The following SUGCT variants were observed in gnomAD, a reference collection of about 807,000 sequenced individuals.
The protein encoded by SUGCT is succinyl-CoA:glutarate-CoA transferase.
Under a neutral mutation model 55.0 loss-of-function variants are expected in SUGCT, and 41 were observed. The observed-to-expected ratio is 0.74, with a 90% CI of 0.58 to 0.97. The LOEUF (loss-of-function observed/expected upper bound fraction) is 0.97. Among genes scored for constraint, SUGCT ranks in the 50% least tolerant of loss-of-function variants. The pLI is 0.00. For missense variants in SUGCT, 568 were observed against 547.8 expected, an observed-to-expected ratio of 1.04 and a Z score of -0.37; for synonymous variants, 187 against 200.4, an observed-to-expected ratio of 0.93 and a Z score of 0.56.
intron 13 of SUGCT, among the ~76,000 whole-genome samples, chr7:40,824,247 A>C (rs2128769918): frequency 6.6e-6 from 1 of 152,282 alleles, no homozygotes; most frequent in African/African-American, 2.4e-5. Flanking sequence ...TAAGGAAAGA[A>C]ATTTGTCTAT....
chr7:40,483,439 A>C (rs993147021), intron 11 of SUGCT, among the ~76,000 whole-genome samples: 4 of 152,222 alleles, frequency 2.6e-5, no homozygotes, highest in African/African-American at 9.6e-5. Flanking sequence ...TGTTCTGAAT[A>C]CTTTCAAAGT....
intron 12 of SUGCT, among the ~76,000 whole-genome samples, chr7:40,615,188 A>G (rs919945221): frequency 5.3e-5 from 8 of 152,210 alleles, no homozygotes; most frequent in African/African-American, 1.7e-4. Flanking sequence ...TACAGATTCC[A>G]TCTATAGTCA....
At chr7:40,953,885 G>A in the SUGCT span, among the ~76,000 whole-genome samples, 3 of 152,234 alleles carry the variant, frequency 2.0e-5, no homozygotes, top group Non-Finnish European at 4.4e-5. Context: ...TCCCAGTTAG[G>A]CTACTCGGGG....
the SUGCT span, among the ~76,000 whole-genome samples, chr7:40,946,816 A>G: frequency 2.6e-5 from 4 of 152,146 alleles, no homozygotes; most frequent in Non-Finnish European, 4.4e-5. Context: ...TCAGCAATTA[A>G]TACTATTGAT....
At chr7:40,948,257 T>G in the SUGCT span, among the ~76,000 whole-genome samples, 1 of 152,200 alleles carries the variant, frequency 6.6e-6, no homozygotes, top group Non-Finnish European at 1.5e-5. Flanking sequence ...CATGGCTATT[T>G]GTTTAAAGAA....
intron 12 of SUGCT, among the ~76,000 whole-genome samples, chr7:40,613,442 A>G (rs751294038): frequency 6.6e-6 from 1 of 152,204 alleles, no homozygotes; most frequent in Non-Finnish European, 1.5e-5. Context: ...GTTTTCCCCA[A>G]CTGGGATAGA....
intron 9 of SUGCT, among the ~76,000 whole-genome samples, chr7:40,402,717 T>C (rs151248527): frequency 6.6e-6 from 1 of 152,306 alleles, no homozygotes; most frequent in East Asian, 1.9e-4. Context: ...GTTCTGGAAA[T>C]CAAATGTCTG....
At chr7:40,182,976 C>T (rs1331733904) in intron 3 of SUGCT, among the ~76,000 whole-genome samples, 1 of 152,096 alleles carries the variant, frequency 6.6e-6, no homozygotes, top group African/African-American at 2.4e-5. Flanking sequence ...CACAGTCCCT[C>T]AAAAAACAAC....
chr7:40,542,953 T>C (rs1364414608), intron 12 of SUGCT, among the ~76,000 whole-genome samples: 1 of 152,220 alleles, frequency 6.6e-6, no homozygotes, highest in Non-Finnish European at 1.5e-5. Flanking sequence ...AATGTAGGAA[T>C]AGAATTTGCT....
chr7:40,569,275 G>T (rs1171899253), intron 12 of SUGCT, among the ~76,000 whole-genome samples: 1 of 152,156 alleles, frequency 6.6e-6, no homozygotes, highest in Non-Finnish European at 1.5e-5. Flanking sequence ...TTTCCATCCA[G>T]TGGTTACCGA....
chr7:40,151,073 A>G (rs1185380742), intron 1 of SUGCT, among the ~76,000 whole-genome samples: 11 of 151,972 alleles, frequency 7.2e-5, no homozygotes, highest in African/African-American at 2.7e-4. Flanking sequence ...TGTCTCTACT[A>G]AAATACACAC....
At chr7:40,500,414 A>G (rs1263614260) in intron 12 of SUGCT, among the ~76,000 whole-genome samples, 1 of 152,120 alleles carries the variant, frequency 6.6e-6, no homozygotes, top group Non-Finnish European at 1.5e-5. Flanking sequence ...AGTGCCAAAC[A>G]CCTGCAGGCT....
chr7:40,543,060 G>C (rs1170937242), intron 12 of SUGCT, among the ~76,000 whole-genome samples: 1 of 152,184 alleles, frequency 6.6e-6, no homozygotes, highest in Non-Finnish European at 1.5e-5. Context: ...AAGCCCACCA[G>C]TGAACAACAA....
At chr7:40,493,534 C>T (rs1791808524) in intron 11 of SUGCT, among the ~76,000 whole-genome samples, 1 of 152,040 alleles carries the variant, frequency 6.6e-6, no homozygotes. Context: ...TAAATGATAC[C>T]ATTTGATTCA....
At chr7:41,025,962 C>T in the SUGCT span, among the ~76,000 whole-genome samples, 1 of 152,090 alleles carries the variant, frequency 6.6e-6, no homozygotes, top group Admixed American at 6.5e-5. Flanking sequence ...CAAAATGGGT[C>T]GAGGGGTGGA....
the SUGCT span, among the ~76,000 whole-genome samples, chr7:40,891,156 A>T: frequency 6.6e-6 from 1 of 152,182 alleles, no homozygotes; most frequent in Non-Finnish European, 1.5e-5. Context: ...TATGGAACTT[A>T]CGACACACAA....
At chr7:40,886,567 G>T in the SUGCT span, among the ~76,000 whole-genome samples, 2 of 152,204 alleles carry the variant, frequency 1.3e-5, no homozygotes, top group African/African-American at 4.8e-5. Flanking sequence ...ATAGCAAGAT[G>T]CATGTGTGTG....
At chr7:40,626,378 T>C (rs919268177) in intron 12 of SUGCT, among the ~76,000 whole-genome samples, 1 of 151,804 alleles carries the variant, frequency 6.6e-6, no homozygotes, top group African/African-American at 2.4e-5. Context: ...TGCTTCAGCC[T>C]CCTGAGCAGC....
the SUGCT span, among the ~76,000 whole-genome samples, chr7:41,008,285 C>T: frequency 2.0e-5 from 3 of 152,204 alleles, no homozygotes; most frequent in Non-Finnish European, 4.4e-5. Flanking sequence ...CTTTCTTCCA[C>T]CCCACGCTCC....
Sources: allele counts gnomAD v4.1 joint callset (sites outside exome capture counted in the v4.1 genomes callset), GRCh38; gene constraint gnomAD v4.1.1; transcripts MANE v1.5; gene names NCBI Gene and HGNC (gene_info 2026-07-23, HGNC 2026-07-21).